Variants in PPP1R15A observed in about 807,000 individuals in gnomAD.
PPP1R15A encodes the protein protein phosphatase 1 regulatory subunit 15A, also known as growth arrest and DNA damage-inducible protein GADD34.
Under a neutral mutation model 48.5 loss-of-function variants are expected in PPP1R15A, and 43 were observed. The ratio of observed to expected loss-of-function variants is 0.89; its 90% CI spans 0.69 to 1.14. The LOEUF (loss-of-function observed/expected upper bound fraction) is 1.14. Among genes scored for constraint, PPP1R15A ranks in the 50% most tolerant of loss-of-function variants. The pLI is 0.00. For missense variants in PPP1R15A, 868 were observed against 847.2 expected (o/e 1.02, Z -0.30); for synonymous variants, 327 against 327.4 (o/e 1.00, Z 0.01).
At position 48,874,664 on chromosome 19, in the gene PPP1R15A, C is replaced by G; in HGVS notation, c.1431C>G (p.Ala477=). 6.2e-7 allele frequency: 1 copy of G among 1,613,842 alleles called. No homozygotes were observed. Among genetic ancestry groups the G allele is most frequent in the Non-Finnish European group, 8.5e-7 (1 of 1,179,820 alleles). Residue 477 remains alanine (A), a synonymous_variant, in exon 2 of 3, where the codon GCC becomes GCG. Coordinates refer to ENST00000200453, the MANE Select transcript of PPP1R15A (RefSeq NM_014330.5). ...DPHPSHPDQR[A]HFRGWGYRPG... ...ATCCCTCCCACCCGGACCAGAGGGC[C>G]CACTTCAGGGGCTGGGGATATCGAC...
At chr19:48,875,437 T>G in intron 2 of PPP1R15A, 177 bp from the exon 3 acceptor site, 1 of 841,934 alleles carries the variant, frequency 1.2e-6, no homozygotes, top group Non-Finnish European at 1.7e-6. Flanking sequence ...CTTCCTTCAG[T>G]GAGTCAGATA....
At chr19:48,873,182 C>G in intron 1 of PPP1R15A, 43 bp from the exon 2 acceptor site, 6 of 1,432,222 alleles carry the variant, frequency 4.2e-6, no homozygotes, top group Non-Finnish European at 5.5e-6. Context: ...ATGCCATCCT[C>G]TAAATGGCCC....
rs2037022142 is a variant in PPP1R15A, at chr19:48,872,671, G to A, written c.-10+20G>A. 5.8e-6 allele frequency: 2 copies of A among 344,330 alleles called. No individual in the cohort carries two copies. The highest frequency in any genetic ancestry group is 7.2e-5 in the Admixed American group (2 of 27,708). The allele number at this position is 344,330 out of a possible 1,614,324, so 21.3% of individuals were successfully genotyped here. ...CAGCCGGTGAGTAAGGGGTCGGAACGCCTGGGTCCCCACGGGGCTGGGGGC... is the reference window on the plus strand; with the variant it reads ...CAGCCGGTGAGTAAGGGGTCGGAACACCTGGGTCCCCACGGGGCTGGGGGC... On this transcript the variant is annotated intron_variant, in intron 1 of 2. Coordinates refer to ENST00000200453, the MANE Select transcript of PPP1R15A (RefSeq NM_014330.5).
chr19:48,872,668 A>C lies in PPP1R15A; in HGVS notation c.-10+17A>C. 2.9e-6 allele frequency: 1 copy of C among 349,712 alleles called. No individual in the cohort carries two copies. Among genetic ancestry groups the C allele is most frequent in the South Asian group, 2.0e-5 (1 of 48,928 alleles). The allele number at this position is 349,712 out of a possible 1,614,324, so 21.7% of individuals were successfully genotyped here. On this transcript the variant is annotated intron_variant, in intron 1 of 2. Transcript: ENST00000200453. ...TCCCAGCCGGTGAGTAAGGGGTCGGAACGCCTGGGTCCCCACGGGGCTGGG... is the reference window on the plus strand; with the variant it reads ...TCCCAGCCGGTGAGTAAGGGGTCGGCACGCCTGGGTCCCCACGGGGCTGGG...
At position 48,874,121 on chromosome 19, in the gene PPP1R15A, GC is replaced by G. The variant is rs762947886; in HGVS notation, c.892del (p.Gln298SerfsTer42). The stretch of plus-strand genomic sequence containing the variant: ...CGCAATCCTCAGCCCCAGCCCAGAG[GC>G]CCCAGCTCAAGTCCTGGTGGTGCCA... ...GPQSSAPAQR[P>X]QLKSWWCQPS... On this transcript the variant is annotated frameshift_variant, in exon 2 of 3. Coordinates refer to ENST00000200453, the MANE Select transcript of PPP1R15A (RefSeq NM_014330.5). LOFTEE classifies it high-confidence loss of function. 11 of 1,614,066 alleles carry G rather than the reference GC, an allele frequency of 6.8e-6. No homozygotes were observed. Among genetic ancestry groups the G allele is most frequent in the Non-Finnish European group, 9.3e-6 (11 of 1,180,032 alleles).
rs202101320 is a variant in PPP1R15A, at chr19:48,873,929, G to T, written c.696G>T (p.Thr232=). ...CAGGGGAGGAAGAGAATCAAGCCAC[G>T]GAGGATAAAAGAACAGAAAGAAGTA... ...SCPGEEENQA[T]EDKRTERSKG... The change falls in exon 2 of 3, where the codon ACG becomes ACT. Residue 232 remains threonine (T), a synonymous_variant. Transcript: ENST00000200453. 7.4e-6 allele frequency: 12 copies of T among 1,613,984 alleles called. No individual in the cohort carries two copies. The highest frequency in any genetic ancestry group is 1.0e-5 in the Non-Finnish European group (12 of 1,180,000).
At chr19:48,875,072 G>T in intron 2 of PPP1R15A, 174 bp downstream of exon 2, 1 of 741,524 alleles carries the variant, frequency 1.3e-6, no homozygotes, top group Non-Finnish European at 2.0e-6. Context: ...GATTACAGGC[G>T]CATGACACCA....
intron 2 of PPP1R15A, chr19:48,875,203 T>C (rs897014627): frequency 1.5e-5 from 5 of 342,898 alleles, no homozygotes; most frequent in African/African-American, 2.1e-5. Flanking sequence ...AGTGCTGGGA[T>C]TACAGGCGTG....
chr19:48,874,024 C>T lies in PPP1R15A; in HGVS notation c.791C>T (p.Ser264Leu), dbSNP rs143444771. Residue 264 changes from serine to leucine, a missense_variant, in exon 2 of 3, where the codon TCA becomes TTA. Transcript: ENST00000200453. ...GACCCCAGGTCCTGGGAGTATCGTT[C>T]AGGAGAGGCGTCCGAGGAGAAGGAG... Reference protein sequence around the residue: ...GSDPRSWEYRSGEASEEKEEK... With the variant: ...GSDPRSWEYRLGEASEEKEEK... The T allele has an allele frequency of 2.2e-4, 356 of 1,614,022 alleles. No individual in the cohort carries two copies. Among genetic ancestry groups the T allele is most frequent in the Non-Finnish European group, 2.9e-4 (346 of 1,180,036 alleles).
Position 48,873,866 on chromosome 19 carries a change from G to A in PPP1R15A, c.633G>A (p.Leu211=). 1 of 1,614,128 alleles carries A rather than the reference G, an allele frequency of 6.2e-7. No homozygotes were observed. The highest frequency in any genetic ancestry group is 8.5e-7 in the Non-Finnish European group (1 of 1,180,028). ...CTCACAGAACCTCTACTTCTGCCTT[G>A]TCTCCAGGATCCAAGCCCAGCACTT... ...KEAHRTSTSA[L]SPGSKPSTWV... Residue 211 remains leucine (L), a synonymous_variant, in exon 2 of 3, where the codon TTG becomes TTA. Transcript: ENST00000200453.
chr19:48,873,165 C>T (rs1173256110), intron 1 of PPP1R15A, 60 bp from the exon 2 acceptor site: 10 of 1,422,608 alleles, frequency 7.0e-6, no homozygotes, highest in Non-Finnish European at 7.4e-6. Flanking sequence ...CTCATAGTCA[C>T]GCCCGGATGC....
rs749479704 is a variant in PPP1R15A, at chr19:48,874,733, AG to A, written c.1501del (p.Glu501LysfsTer51). On this transcript the variant is annotated frameshift_variant, in exon 2 of 3. Coordinates refer to ENST00000200453, the MANE Select transcript of PPP1R15A (RefSeq NM_014330.5). LOFTEE classifies it high-confidence loss of function. ...EEEEAAEDWG[E>X]AEPCPFRVAI... ...AAGAGGAAGCTGCTGAGGACTGGGG[AG>A]AAGCTGAGCCCTGCCCCTTCCGAGT... 1.3e-5 allele frequency: 21 copies of A among 1,613,826 alleles called. No homozygotes were observed. Among genetic ancestry groups the A allele is most frequent in the Admixed American group, 8.3e-5 (5 of 59,962 alleles).
rs141730546 is a variant in PPP1R15A, at chr19:48,873,974, C to A, written c.741C>A (p.Ser247=). 622 of 1,614,064 alleles carry A rather than the reference C, an allele frequency of 3.9e-4. 3 individuals are homozygous for A. The African/African-American group carries it at 7.2e-3, about 19-fold the overall frequency. The change falls in exon 2 of 3, where the codon TCC becomes TCA. Residue 247 remains serine, a synonymous_variant. Coordinates refer to ENST00000200453, the MANE Select transcript of PPP1R15A (RefSeq NM_014330.5). ...TERSKGARKT[S]VSPRSSGSDP... ...GAAGTAAAGGAGCCAGGAAGACCTC[C>A]GTGTCCCCCCGATCTTCAGGCTCCG...
chr19:48,873,946 AAAG>A lies in PPP1R15A; in HGVS notation c.717_719del (p.Arg239del). On this transcript the variant is annotated inframe_deletion, in exon 2 of 3. Coordinates refer to ENST00000200453, the MANE Select transcript of PPP1R15A (RefSeq NM_014330.5). ...CAAGCCACGGAGGATAAAAGAACAG[AAAG>A]AAGTAAAGGAGCCAGGAAGACCTCC... is the stretch of plus-strand genomic sequence containing the variant. The A allele has an allele frequency of 1.2e-6, 2 of 1,613,904 alleles. No individual in the cohort carries two copies. The highest frequency in any genetic ancestry group is 1.7e-6 in the Non-Finnish European group (2 of 1,179,974).
rs757306784 is a variant in PPP1R15A at position 48,874,423 on chromosome 19, CAG to C, written c.1193_1194del (p.Glu398GlyfsTer5). The C allele has an allele frequency of 8.7e-6, 14 of 1,613,794 alleles. No individual in the cohort carries two copies. Among genetic ancestry groups the C allele is most frequent in the Non-Finnish European group, 1.2e-5 (14 of 1,179,976 alleles). On this transcript the variant is annotated frameshift_variant, in exon 2 of 3. Coordinates refer to ENST00000200453, the MANE Select transcript of PPP1R15A (RefSeq NM_014330.5). LOFTEE classifies it high-confidence loss of function. The stretch of plus-strand genomic sequence containing the variant: ...TGGGTCTATCAGCCAGGAGAGGACA[CAG>C]AGGAGGAGGAAGATGAGGACAGTGA...
rs767917201 is a variant in PPP1R15A at position 48,875,921 on chromosome 19, G to C, written c.1973G>C (p.Arg658Pro). Residue 658 changes from arginine to proline, a missense_variant, in exon 3 of 3, where the codon CGC (arginine) becomes CCC (proline). Arg to Pro is a moderately radical substitution (Grantham distance 103). Transcript: ENST00000200453. ...PLSQAVATPS[R>P]SSAAAAAALD... The stretch of plus-strand genomic sequence containing the variant: ...AGCCAAGCTGTGGCCACACCTTCCC[G>C]CTCGTCTGCTGCTGCAGCGGCTGCC... 5.6e-6 allele frequency: 9 copies of C among 1,611,674 alleles called. No individual in the cohort carries two copies. The highest frequency in any genetic ancestry group is 5.9e-6 in the Non-Finnish European group (7 of 1,178,220).
At position 48,874,779 on chromosome 19, in the gene PPP1R15A, G is replaced by C; in HGVS notation, c.1546G>C (p.Glu516Gln). ...PFRVAIYVPG[E>Q]KPPPPWAPPR... ...CCGAGTGGCCATCTATGTACCTGGA[G>C]AGAAGCCACCGCCTCCCTGGGCTCC... Residue 516 changes from glutamate (E) to glutamine (Q), a missense_variant, in exon 2 of 3, where the codon GAG (glutamate) becomes CAG (glutamine). Coordinates refer to ENST00000200453, the MANE Select transcript of PPP1R15A (RefSeq NM_014330.5). 6.2e-7 allele frequency: 1 copy of C among 1,614,116 alleles called. No homozygotes were observed. Among genetic ancestry groups the C allele is most frequent in the Non-Finnish European group, 8.5e-7 (1 of 1,180,014 alleles).
Position 48,873,307 on chromosome 19 carries a change from T to G in PPP1R15A, c.74T>G (p.Val25Gly). ...DAHPFFLLSP[V>G]MGLLSRAWSR... ...CACCCTTTCTTCCTCCTGTCCCCAG[T>G]GATGGGCCTCCTCAGCCGCGCCTGG... Residue 25 changes from valine to glycine, a missense_variant, in exon 2 of 3, where the codon GTG becomes GGG. Physicochemically the swap from Val to Gly is moderately radical, Grantham distance 109. Transcript: ENST00000200453. 1.9e-6 allele frequency: 3 copies of G among 1,601,810 alleles called. No individual in the cohort carries two copies. The highest frequency in any genetic ancestry group is 2.6e-6 in the Non-Finnish European group (3 of 1,175,476).
At position 48,875,711 on chromosome 19, in the gene PPP1R15A, A is replaced by T. The variant is rs761391876; in HGVS notation, c.1763A>T (p.Asp588Val). The change falls in exon 3 of 3, where the codon GAT (aspartate) becomes GTT (valine). Residue 588 changes from aspartate to valine, a missense_variant. Asp to Val is a radical substitution (Grantham distance 152, BLOSUM62 -3). Coordinates refer to ENST00000200453, the MANE Select transcript of PPP1R15A (RefSeq NM_014330.5). ...RQGPWEQLAR[D>V]RSRFARRITQ... ...GGCCCCTGGGAGCAGCTTGCTCGGG[A>T]TCGCAGCCGCTTCGCACGCCGCATC... The T allele has an allele frequency of 3.7e-6, 6 of 1,612,574 alleles. No homozygotes were observed. In the South Asian group the frequency reaches 5.5e-5, roughly 15 times the overall value.
Sources: allele counts gnomAD v4.1 joint callset, GRCh38; gene constraint gnomAD v4.1.1; transcripts MANE v1.5; gene names NCBI Gene and HGNC (gene_info 2026-07-23, HGNC 2026-07-21).